Variants in ZNRF2 observed in about 807,000 individuals in gnomAD.
ZNRF2 encodes the protein E3 ubiquitin-protein ligase ZNRF2.
A neutral mutation model predicts 20.4 loss-of-function variants in ZNRF2; 16 were observed. The ratio of observed to expected loss-of-function variants is 0.79; its 90% CI spans 0.53 to 1.19. The LOEUF is 1.19. ZNRF2 is among the 50% of genes most tolerant of loss of function. The pLI is 0.00. For missense variants in ZNRF2, 363 were observed against 332.4 expected (o/e 1.09, Z -0.72); for synonymous variants, 178 against 144.9 (o/e 1.23, Z -1.64).
At position 30,293,266 on chromosome 7, in the gene ZNRF2, T is replaced by G. The variant is rs1427408197; in HGVS notation, c.469+7440T>G. Among the ~76,000 whole-genome samples, 61 of 149,526 alleles carry G rather than the reference T, an allele frequency of 4.1e-4. 1 individual carries two copies. The East Asian group carries it at 4.9e-3, about 12-fold the overall frequency. On this transcript the variant is annotated intron_variant, in intron 1 of 4. Coordinates refer to ENST00000323037, the MANE Select transcript of ZNRF2 (RefSeq NM_147128.4). ...TTTTTACATTTTTTTTTTTTTTTTT[T>G]GGGATGGAGTCTTGCTCTGTCACCC...
In ZNRF2 at chr7:30,284,734, A is replaced by G; in HGVS notation, c.-624A>G. The G allele has an allele frequency of 5.6e-6, 1 of 179,958 alleles. No individual in the cohort carries two copies. The highest frequency in any genetic ancestry group is 1.2e-5 in the Non-Finnish European group (1 of 82,686). 11.1% of individuals were successfully genotyped at this position (179,958 alleles called of 1,614,324 possible). ...CCCGCCAGCCCGGCCCCTCCTTCGCAGGGGGAGCGAGGCGACGGTTGCCGG... is the reference window on the plus strand; with the variant it reads ...CCCGCCAGCCCGGCCCCTCCTTCGCGGGGGGAGCGAGGCGACGGTTGCCGG... On this transcript the variant is annotated 5_prime_UTR_variant, in exon 1 of 5. Transcript: ENST00000323037.
At chr7:30,362,070 AATT>A (rs1800135462) in intron 3 of ZNRF2, among the ~76,000 whole-genome samples, 1 of 152,194 alleles carries the variant, frequency 6.6e-6, no homozygotes, top group Non-Finnish European at 1.5e-5. Flanking sequence ...TGAAAAGAAA[AATT>A]ATGCAAATTT....
intron 2 of ZNRF2, among the ~76,000 whole-genome samples, chr7:30,325,274 T>G (rs1799535085): frequency 6.6e-6 from 1 of 152,178 alleles, no homozygotes; most frequent in Non-Finnish European, 1.5e-5. Context: ...AATTTTGGCC[T>G]GAAATAAAAT....
chr7:30,300,066 G>A (rs1799087168), intron 1 of ZNRF2, among the ~76,000 whole-genome samples: 1 of 151,590 alleles, frequency 6.6e-6, no homozygotes, highest in Non-Finnish European at 1.5e-5. Context: ...TTACAGGCGT[G>A]AGCCATCCCG....
chr7:30,347,907 A>G (rs755070342), intron 2 of ZNRF2, among the ~76,000 whole-genome samples: 6 of 152,210 alleles, frequency 3.9e-5, no homozygotes, highest in Non-Finnish European at 8.8e-5. Context: ...TTCATGTTGC[A>G]TAAGTTCTAA....
intron 2 of ZNRF2, among the ~76,000 whole-genome samples, chr7:30,350,070 A>G (rs1038275599): frequency 6.6e-6 from 1 of 152,002 alleles, no homozygotes; most frequent in Non-Finnish European, 1.5e-5. Context: ...AATACTCAAT[A>G]CTTATAAAAT....
At chr7:30,313,434 G>T (rs866187455) in intron 1 of ZNRF2, among the ~76,000 whole-genome samples, 7 of 152,110 alleles carry the variant, frequency 4.6e-5, no homozygotes, top group African/African-American at 7.2e-5. Context: ...TTAGTGTCGG[G>T]TAAGAAGCTG....
intron 2 of ZNRF2, among the ~76,000 whole-genome samples, chr7:30,343,636 T>G (rs1227116332): frequency 6.6e-6 from 1 of 152,128 alleles, no homozygotes; most frequent in Admixed American, 6.5e-5. Context: ...ACCTTGTCAA[T>G]AGTAAGATTG....
Position 30,300,047 on chromosome 7 carries a change from G to A in ZNRF2, c.469+14221G>A, listed in dbSNP as rs557933371. On this transcript the variant is annotated intron_variant, in intron 1 of 4. Transcript: ENST00000323037. ...GATGTGCCCGCCTTGGCCTCCCAAAGTGCAGGGATTACAGGCGTGAGCCAT... is the reference window on the plus strand; with the variant it reads ...GATGTGCCCGCCTTGGCCTCCCAAAATGCAGGGATTACAGGCGTGAGCCAT... 2.6e-5 allele frequency among the ~76,000 whole-genome samples: 4 copies of A among 151,966 alleles called. 1 individual carries two copies. In the South Asian group the frequency reaches 8.3e-4, roughly 32 times the overall value.
chr7:30,300,107 A>G (rs542124055), intron 1 of ZNRF2, among the ~76,000 whole-genome samples: 4 of 144,926 alleles, frequency 2.8e-5, no homozygotes, highest in Admixed American at 1.4e-4. Context: ...TCCATAACAT[A>G]TATTTAGAGG....
intron 1 of ZNRF2, among the ~76,000 whole-genome samples, chr7:30,315,155 C>T (rs1799350298): frequency 6.6e-6 from 1 of 151,866 alleles, no homozygotes; most frequent in African/African-American, 2.4e-5. Context: ...AGACTTGGTC[C>T]CAGTATGGAT....
intron 1 of ZNRF2, among the ~76,000 whole-genome samples, chr7:30,291,987 C>G (rs958225625): frequency 6.6e-6 from 1 of 151,856 alleles, no homozygotes; most frequent in African/African-American, 2.4e-5. Flanking sequence ...TAGAGAAAAA[C>G]TAACATACGG....
At chr7:30,294,430 G>T (rs1798974110) in intron 1 of ZNRF2, among the ~76,000 whole-genome samples, 1 of 152,128 alleles carries the variant, frequency 6.6e-6, no homozygotes, top group Non-Finnish European at 1.5e-5. Context: ...TTTAAAGTGT[G>T]GCTTTATTGT....
At chr7:30,300,328 T>C (rs1799093201) in intron 1 of ZNRF2, among the ~76,000 whole-genome samples, 1 of 150,736 alleles carries the variant, frequency 6.6e-6, no homozygotes. Context: ...TCTGTATGTT[T>C]AGTAGAGACA....
At chr7:30,306,934 C>G (rs1212019058) in intron 1 of ZNRF2, among the ~76,000 whole-genome samples, 1 of 152,086 alleles carries the variant, frequency 6.6e-6, no homozygotes, top group Non-Finnish European at 1.5e-5. Context: ...CTATTTTATT[C>G]TGGGTGCATA....
chr7:30,302,952 C>T (rs561503724), intron 1 of ZNRF2, among the ~76,000 whole-genome samples: 1 of 152,208 alleles, frequency 6.6e-6, no homozygotes, highest in African/African-American at 2.4e-5. Flanking sequence ...ACTTCAGTAA[C>T]GGAGCAAGTT....
At chr7:30,315,507 C>A (rs113042525) in intron 1 of ZNRF2, among the ~76,000 whole-genome samples, 5 of 151,920 alleles carry the variant, frequency 3.3e-5, no homozygotes, top group African/African-American at 4.8e-5. Flanking sequence ...AGTTTTCTTA[C>A]CTGTAAAAGG....
intron 2 of ZNRF2, among the ~76,000 whole-genome samples, chr7:30,329,124 A>G (rs1214869981): frequency 6.6e-6 from 1 of 152,198 alleles, no homozygotes; most frequent in Non-Finnish European, 1.5e-5. Context: ...ATTAAATATT[A>G]TTAGCAAATT....
At chr7:30,321,010 G>C (rs566818072) in intron 1 of ZNRF2, among the ~76,000 whole-genome samples, 1 of 152,166 alleles carries the variant, frequency 6.6e-6, no homozygotes, top group African/African-American at 2.4e-5. Flanking sequence ...TTTCTTAGTA[G>C]AGATGGAGGC....
Sources: allele counts gnomAD v4.1 joint callset (sites outside exome capture counted in the v4.1 genomes callset), GRCh38; gene constraint gnomAD v4.1.1; transcripts MANE v1.5; gene names NCBI Gene and HGNC (gene_info 2026-07-23, HGNC 2026-07-21).